Variants in DENND3 observed in about 807,000 individuals in gnomAD.
DENND3 encodes the protein DENN domain containing 3, also known as DENN domain-containing protein 3.
DENND3 carries 88 observed loss-of-function variants against 135.1 expected under a neutral mutation model. That is an observed-to-expected ratio of 0.65 (90% CI 0.55 to 0.78). The LOEUF is 0.78. Among genes scored for constraint, DENND3 ranks in the 30% least tolerant of loss-of-function variants. DENND3 has a pLI of 0.00. For missense variants in DENND3, 1,392 were observed against 1,688.4 expected (o/e 0.82, Z 3.08); for synonymous variants, 693 against 712.3 (o/e 0.97, Z 0.43).
chr8:141,184,922 T>A, intron 17 of DENND3: 1 of 529,428 alleles, frequency 1.9e-6, no homozygotes, highest in Non-Finnish European at 3.3e-6. Context: ...GCTCTGACCC[T>A]GTCTTTGTGG....
Position 141,144,381 on chromosome 8 carries a change from T to A in DENND3, c.735+122T>A. ...TAGCTGTTGTAAACCTAAAATAACATCCTAACCCCCCCGCCTCCCCACAGC... is the reference window on the plus strand; with the variant it reads ...TAGCTGTTGTAAACCTAAAATAACAACCTAACCCCCCCGCCTCCCCACAGC... On this transcript the variant is annotated intron_variant, in intron 5 of 22. Transcript: ENST00000519811. The surrounding 1 kb of genome is among the most constrained non-coding windows in gnomAD (Gnocchi z 4.4). 1 of 972,236 alleles carries A rather than the reference T, an allele frequency of 1.0e-6. No individual in the cohort carries two copies. Among genetic ancestry groups the A allele is most frequent in the Non-Finnish European group, 1.4e-6 (1 of 691,892 alleles). 60.2% of individuals were successfully genotyped at this position (972,236 alleles called of 1,614,324 possible). A position where few individuals can be genotyped will look rare whatever the true frequency, so the allele number is the denominator to read the frequency against.
rs1001720998 is a variant in DENND3 at position 141,175,519 on chromosome 8, G to A, written c.2535+60G>A. 2.5e-6 allele frequency: 4 copies of A among 1,611,830 alleles called. No individual in the cohort carries two copies. The highest frequency in any genetic ancestry group is 1.3e-5 in the African/African-American group (1 of 75,054). On this transcript the variant is annotated intron_variant, in intron 14 of 22. Coordinates refer to ENST00000519811, the MANE Select transcript of DENND3 (RefSeq NM_001352890.3). The surrounding 1 kb of genome is among the most constrained non-coding windows in gnomAD (Gnocchi z 5.4). The stretch of plus-strand genomic sequence containing the variant: ...ACCTGTGTTTAGGAGACAGATGGCT[G>A]GAGTGGGCCCTGAGCAGTCTGCCAG...
At chr8:141,187,986 A>G (rs1824125297) in intron 18 of DENND3, among the ~76,000 whole-genome samples, 2 of 150,702 alleles carry the variant, frequency 1.3e-5, no homozygotes, top group South Asian at 4.2e-4. Context: ...TAGGAGTTCG[A>G]GACCAGCCTG....
Position 141,175,158 on chromosome 8 carries a change from T to TGTG in DENND3, c.2276-40_2276-38dup. 1 of 1,577,678 alleles carries TGTG rather than the reference T, an allele frequency of 6.3e-7. No homozygotes were observed. The highest frequency in any genetic ancestry group is 8.6e-7 in the Non-Finnish European group (1 of 1,161,364). On this transcript the variant is annotated intron_variant, in intron 13 of 22. Coordinates refer to ENST00000519811, the MANE Select transcript of DENND3 (RefSeq NM_001352890.3). The surrounding 1 kb of genome is among the most constrained non-coding windows in gnomAD (Gnocchi z 5.4). ...AGAAGCCCTTGGGGCTCCCGAGGTA[T>TGTG]GTGGCTGTAAGATACCTCTCTTTTC...
intron 9 of DENND3, among the ~76,000 whole-genome samples, chr8:141,161,229 G>A (rs1589623508): frequency 6.6e-6 from 1 of 152,358 alleles, no homozygotes; most frequent in Admixed American, 6.5e-5. Context: ...TCTGTCCCGA[G>A]AGGCCTGCAT....
At position 141,174,875 on chromosome 8, in the gene DENND3, T is replaced by C. The variant is rs1187730402; in HGVS notation, c.2276-325T>C. 1.3e-5 allele frequency among the ~76,000 whole-genome samples: 2 copies of C among 152,108 alleles called. No homozygotes were observed. The stretch of plus-strand genomic sequence containing the variant: ...CTTTGCCCCCATTAGAAGAGTGTCC[T>C]TGTCCGGAAGGACTTTCCTACCCAA... On this transcript the variant is annotated intron_variant, in intron 13 of 22. Transcript: ENST00000519811. This position sits in a 1 kb window ranked among gnomAD's most constrained non-coding sequence, Gnocchi z 4.6.
Position 141,194,434 on chromosome 8 carries a change from GCAC to G in DENND3, c.*204_*206del. 3 of 611,958 alleles carry G rather than the reference GCAC, an allele frequency of 4.9e-6. No homozygotes were observed. 37.9% of individuals were successfully genotyped at this position (611,958 alleles called of 1,614,324 possible). A position where few individuals can be genotyped will look rare whatever the true frequency, so the allele number is the denominator to read the frequency against. On this transcript the variant is annotated 3_prime_UTR_variant, in exon 23 of 23. Transcript: ENST00000519811. ...GGCCTTCGGGCCCCCTGGTTAAACT[GCAC>G]CAAGGGTGTTTCCTGTTGGGGTGTG...
Position 141,192,370 on chromosome 8 carries a change from C to A in DENND3, c.3419C>A (p.Ser1140Tyr), listed in dbSNP as rs780589782. 3.8e-5 allele frequency: 61 copies of A among 1,614,198 alleles called. No homozygotes were observed. In the South Asian group the frequency reaches 6.6e-4, roughly 17 times the overall value. Reference protein sequence around the residue: ...NSIMVMKMNGSLHQELKIEEN... With the variant: ...NSIMVMKMNGYLHQELKIEEN... ...ATCATGGTCATGAAAATGAATGGATCCCTCCATCAAGAATTGAAGATTGAG... is the reference window on the plus strand; with the variant it reads ...ATCATGGTCATGAAAATGAATGGATACCTCCATCAAGAATTGAAGATTGAG... Residue 1140 changes from serine (S) to tyrosine (Y), a missense_variant, in exon 21 of 23, where the codon TCC (serine) becomes TAC (tyrosine). Transcript: ENST00000519811.
chr8:141,136,045 G>A (rs550642904), intron 1 of DENND3, among the ~76,000 whole-genome samples: 1 of 152,342 alleles, frequency 6.6e-6, no homozygotes, highest in African/African-American at 2.4e-5. Context: ...CACCCAGGGA[G>A]GGCTGAACAG....
chr8:141,148,521 C>T (rs1221678447), intron 5 of DENND3, among the ~76,000 whole-genome samples: 2 of 152,186 alleles, frequency 1.3e-5, no homozygotes, highest in African/African-American at 4.8e-5. Flanking sequence ...GTATCTGAGT[C>T]ATTTTCTATG....
chr8:141,165,424 C>T (rs535159366), intron 11 of DENND3, 135 bp downstream of exon 11: 13 of 612,326 alleles, frequency 2.1e-5, no homozygotes, highest in Middle Eastern at 3.0e-4. Flanking sequence ...ATGAACTGGG[C>T]GACAGCTAGG....
chr8:141,180,088 G>A (rs1822895149), intron 16 of DENND3, among the ~76,000 whole-genome samples: 1 of 152,212 alleles, frequency 6.6e-6, no homozygotes, highest in Non-Finnish European at 1.5e-5. Context: ...AGCAAGAGGA[G>A]CATTAGGATA....
chr8:141,150,313 G>A (rs1818641717), intron 5 of DENND3: 1 of 1,282,914 alleles, frequency 7.8e-7, no homozygotes, highest in African/African-American at 1.5e-5. Context: ...TAGCCATTCT[G>A]TGAATACAGA....
chr8:141,163,360 A>T lies in DENND3; in HGVS notation c.1380A>T (p.Glu460Asp). Residue 460 changes from glutamate (E) to aspartate (D), a missense_variant, in exon 10 of 23, where the codon GAA (glutamate) becomes GAT (aspartate). Physicochemically the swap from Glu to Asp is conservative, Grantham distance 45. Coordinates refer to ENST00000519811, the MANE Select transcript of DENND3 (RefSeq NM_001352890.3). ...FRDVKNHLNY[E>D]HRVFNSEEFL... ...ATGTAAAGAATCATTTAAACTATGAACACAGAGTCTTTAATAGTGAAGAAT... is the reference window on the plus strand; with the variant it reads ...ATGTAAAGAATCATTTAAACTATGATCACAGAGTCTTTAATAGTGAAGAAT... The T allele has an allele frequency of 6.2e-7, 1 of 1,610,996 alleles. No individual in the cohort carries two copies. Among genetic ancestry groups the T allele is most frequent in the East Asian group, 2.2e-5 (1 of 44,854 alleles).
At position 141,144,478 on chromosome 8, in the gene DENND3, G is replaced by T. The variant is rs551914822; in HGVS notation, c.735+219G>T. Among the ~76,000 whole-genome samples the T allele has an allele frequency of 6.6e-6, 1 of 152,116 alleles. No individual in the cohort carries two copies. Among genetic ancestry groups the T allele is most frequent in the Non-Finnish European group, 1.5e-5 (1 of 68,026 alleles). On this transcript the variant is annotated intron_variant, in intron 5 of 22. Transcript: ENST00000519811. This position sits in a 1 kb window ranked among gnomAD's most constrained non-coding sequence, Gnocchi z 4.4. The stretch of plus-strand genomic sequence containing the variant: ...AAAAAACAGAATGACTGGCCAGAAT[G>T]GAAGGGAGGTCAGACACGCCTGGTT...
At position 141,128,814 on chromosome 8, in the gene DENND3, G is replaced by T. The variant is rs1175922025; in HGVS notation, c.102+5G>T. The T allele has an allele frequency of 2.8e-6, 4 of 1,408,122 alleles. No homozygotes were observed. The highest frequency in any genetic ancestry group is 3.7e-6 in the Non-Finnish European group (4 of 1,075,548). The allele number at this position is 1,408,122 out of a possible 1,614,324, so 87.2% of individuals were successfully genotyped here. ...AGTCTCCGAAGTCTCGAGCAGGTGA[G>T]GGGCGGGGAAACTGAGGCGGACGTG... On this transcript the variant is annotated splice_donor_5th_base_variant and intron_variant, in intron 1 of 22. Coordinates refer to ENST00000519811, the MANE Select transcript of DENND3 (RefSeq NM_001352890.3). The surrounding 1 kb of genome is among the most constrained non-coding windows in gnomAD (Gnocchi z 4.5).
At chr8:141,184,816 CCCTCTGCCTGGCTGTTT>C in intron 17 of DENND3, 1 of 222,412 alleles carries the variant, frequency 4.5e-6, no homozygotes, top group East Asian at 9.6e-5. Flanking sequence ...TCTTCCAGTT[CCCTCTGCCTGGCTGTTT>C]CCTCTAGTGA....
Position 141,163,376 on chromosome 8 carries a change from A to G in DENND3, c.1396A>G (p.Ser466Gly). ...AAACTATGAACACAGAGTCTTTAAT[A>G]GTGAAGAATTTCTCAAAACCAGGGC... Reference protein sequence around the residue: ...HLNYEHRVFNSEEFLKTRAPG... With the variant: ...HLNYEHRVFNGEEFLKTRAPG... Residue 466 changes from serine (S) to glycine (G), a missense_variant, in exon 10 of 23, where the codon AGT becomes GGT. Ser to Gly is a moderately conservative substitution (Grantham distance 56). Coordinates refer to ENST00000519811, the MANE Select transcript of DENND3 (RefSeq NM_001352890.3). The G allele has an allele frequency of 6.2e-7, 1 of 1,613,286 alleles. No homozygotes were observed. The highest frequency in any genetic ancestry group is 8.5e-7 in the Non-Finnish European group (1 of 1,179,290).
chr8:141,173,176 G>A (rs986444468), intron 13 of DENND3, among the ~76,000 whole-genome samples: 3 of 152,132 alleles, frequency 2.0e-5, no homozygotes, highest in African/African-American at 7.2e-5. Context: ...GCCCAGCACA[G>A]GGGCTGCAGA....
Sources: gnomAD v4.1 joint callset for allele counts (sites outside exome capture counted in the v4.1 genomes callset) on GRCh38, gnomAD v4.1.1 for gene constraint, Gnocchi (gnomAD v3.1) non-coding constraint, MANE v1.5 for transcripts, NCBI Gene and HGNC (gene_info 2026-07-23, HGNC 2026-07-21) for gene names.